The following PRKCA variants were observed in gnomAD, a reference collection of about 807,000 sequenced individuals.
The protein encoded by PRKCA is protein kinase C alpha type.
Under a neutral mutation model 87.0 loss-of-function variants are expected in PRKCA, and 27 were observed. That is an observed-to-expected ratio of 0.31 (90% CI 0.23 to 0.43). The LOEUF is 0.43. Among genes scored for constraint, PRKCA ranks in the 20% least tolerant of loss-of-function variants. The pLI is 1.00. For missense variants in PRKCA, 518 were observed against 852.3 expected (o/e 0.61, Z 4.88); for synonymous variants, 329 against 311.1 (o/e 1.06, Z -0.61).
At chr17:66,722,559 A>C (rs1403783325) in intron 8 of PRKCA, among the ~76,000 whole-genome samples, 1 of 152,246 alleles carries the variant, frequency 6.6e-6, no homozygotes, top group Non-Finnish European at 1.5e-5. Flanking sequence ...ATGCCACTGC[A>C]GGAGCTCTTT....
chr17:66,606,027 A>T (rs1970198401), intron 3 of PRKCA, among the ~76,000 whole-genome samples: 1 of 152,216 alleles, frequency 6.6e-6, no homozygotes, highest in Non-Finnish European at 1.5e-5. Context: ...ATTAAAAACC[A>T]TCGAACTGTA....
rs138413952 is a variant in PRKCA at position 66,640,300 on chromosome 17, A to G, written c.289-1055A>G. On this transcript the variant is annotated intron_variant, in intron 3 of 16. Transcript: ENST00000413366. The stretch of plus-strand genomic sequence containing the variant: ...CCAGAATCTACGCTCTTTAACCACG[A>G]TGGTCTTCTGTATATCATTTTTCTT... 3.1e-3 allele frequency among the ~76,000 whole-genome samples: 467 copies of G among 152,262 alleles called. 1 individual carries two copies. The highest frequency in any genetic ancestry group is 0.01 in the Middle Eastern group (3 of 294).
At chr17:66,322,733 A>G (rs1024975634) in intron 2 of PRKCA, among the ~76,000 whole-genome samples, 9 of 150,482 alleles carry the variant, frequency 6.0e-5, no homozygotes, top group African/African-American at 2.0e-4. Context: ...GGCATCCCAC[A>G]GTAGTGGGAT....
intron 3 of PRKCA, among the ~76,000 whole-genome samples, chr17:66,632,545 A>G (rs1308671426): frequency 6.6e-6 from 1 of 151,772 alleles, no homozygotes; most frequent in African/African-American, 2.4e-5. Flanking sequence ...ACCCCCAGCT[A>G]ATTTTTTTTT....
chr17:66,563,085 CAG>C (rs1968767162), intron 3 of PRKCA, among the ~76,000 whole-genome samples: 3 of 152,090 alleles, frequency 2.0e-5, no homozygotes, highest in Admixed American at 6.5e-5. Flanking sequence ...GTGGAAAGTA[CAG>C]TGTTCCCTTA....
chr17:66,581,771 G>A (rs746297305), intron 3 of PRKCA, among the ~76,000 whole-genome samples: 3 of 152,252 alleles, frequency 2.0e-5, no homozygotes, highest in Non-Finnish European at 1.5e-5. Context: ...CACCGTGCCC[G>A]GCCATCTTTC....
chr17:66,379,640 C>A (rs552057452), intron 2 of PRKCA, among the ~76,000 whole-genome samples: 3 of 152,040 alleles, frequency 2.0e-5, no homozygotes, highest in Non-Finnish European at 4.4e-5. Flanking sequence ...TTTGCCTGTT[C>A]GGTTTTGGAT....
At chr17:66,704,920 C>G (rs1225495076) in intron 8 of PRKCA, among the ~76,000 whole-genome samples, 1 of 152,170 alleles carries the variant, frequency 6.6e-6, no homozygotes, top group South Asian at 2.1e-4. Flanking sequence ...AAGACTTTAT[C>G]TAGTTCAGAA....
chr17:66,660,666 G>T (rs879668217), intron 5 of PRKCA, among the ~76,000 whole-genome samples: 1 of 152,130 alleles, frequency 6.6e-6, no homozygotes, highest in Non-Finnish European at 1.5e-5. Flanking sequence ...GAGGCGGGCG[G>T]ATCACGAGGT....
At chr17:66,413,147 G>A (rs76602165) in intron 2 of PRKCA, among the ~76,000 whole-genome samples, 1 of 152,206 alleles carries the variant, frequency 6.6e-6, no homozygotes, top group African/African-American at 2.4e-5. Flanking sequence ...TCGCCAGATT[G>A]TGACCTGTGC....
At chr17:66,464,373 T>G (rs900775382) in intron 2 of PRKCA, among the ~76,000 whole-genome samples, 1 of 152,184 alleles carries the variant, frequency 6.6e-6, no homozygotes, top group Non-Finnish European at 1.5e-5. Context: ...TAAACTCATT[T>G]GGGTAAATAT....
At chr17:66,778,472 C>T (rs1975118020) in intron 14 of PRKCA, among the ~76,000 whole-genome samples, 1 of 152,052 alleles carries the variant, frequency 6.6e-6, no homozygotes, top group Non-Finnish European at 1.5e-5. Context: ...GCCGAGATCG[C>T]GCCACTGCAC....
intron 2 of PRKCA, among the ~76,000 whole-genome samples, chr17:66,404,702 C>T (rs2043105981): frequency 6.7e-6 from 1 of 149,750 alleles, no homozygotes; most frequent in Non-Finnish European, 1.5e-5. Flanking sequence ...AGTCTCTGTT[C>T]CACACACTCC....
At position 66,809,163 on chromosome 17, in the gene PRKCA, A is replaced by G. The variant is rs532566685; in HGVS notation, c.*5126A>G. On this transcript the variant is annotated 3_prime_UTR_variant, in exon 17 of 17. Coordinates refer to ENST00000413366, the MANE Select transcript of PRKCA (RefSeq NM_002737.3). The stretch of plus-strand genomic sequence containing the variant: ...CTGCTAGAAGATCCAGGAAATTGGG[A>G]AGGTTACCTGACGCACACATGGATG... The G allele has an allele frequency of 6.6e-6, 1 of 152,380 alleles. No individual in the cohort carries two copies. The highest frequency in any genetic ancestry group is 2.4e-5 in the African/African-American group (1 of 41,574). The allele number at this position is 152,380 out of a possible 1,614,324, so 9.4% of individuals were successfully genotyped here.
At chr17:66,540,269 G>T (rs1967937044) in intron 3 of PRKCA, among the ~76,000 whole-genome samples, 1 of 152,200 alleles carries the variant, frequency 6.6e-6, no homozygotes, top group Non-Finnish European at 1.5e-5. Context: ...GCCAGCCCAG[G>T]GTTCTGAGAC....
intron 5 of PRKCA, among the ~76,000 whole-genome samples, chr17:66,656,523 G>A (rs1971737319): frequency 1.0e-5 from 1 of 97,304 alleles, no homozygotes; most frequent in East Asian, 2.7e-4. Context: ...ATTATTGCAA[G>A]GAACTTTATC....
chr17:66,452,850 C>A (rs565231060), intron 2 of PRKCA, among the ~76,000 whole-genome samples: 5 of 152,130 alleles, frequency 3.3e-5, no homozygotes, highest in Non-Finnish European at 7.3e-5. Context: ...GATGACAGAG[C>A]GAGACTCCGT....
chr17:66,586,097 G>A (rs148097766), intron 3 of PRKCA, among the ~76,000 whole-genome samples: 31 of 152,262 alleles, frequency 2.0e-4, no homozygotes, highest in African/African-American at 6.3e-4. Flanking sequence ...TGCCTGGTGC[G>A]GCAAAGGGAC....
chr17:66,775,907 C>A, intron 14 of PRKCA: 1 of 339,964 alleles, frequency 2.9e-6, no homozygotes, highest in Non-Finnish European at 4.2e-6. Flanking sequence ...CAGAGGTAAG[C>A]TAGGAAGAAA....
Sources: allele counts gnomAD v4.1 joint callset (sites outside exome capture counted in the v4.1 genomes callset), GRCh38; gene constraint gnomAD v4.1.1; transcripts MANE v1.5; gene names NCBI Gene and HGNC (gene_info 2026-07-23, HGNC 2026-07-21).